CCDC169: variants seen among roughly 807,000 people sequenced by gnomAD.
CCDC169 encodes coiled-coil domain-containing protein 169.
CCDC169 carries 30 observed loss-of-function variants against 36.0 expected under a neutral mutation model. The ratio of observed to expected loss-of-function variants is 0.83; its 90% CI spans 0.62 to 1.13. CCDC169 has a LOEUF of 1.13. CCDC169 is among the 50% of genes most tolerant of loss of function. CCDC169 has a pLI of 0.00. For synonymous variants in CCDC169, 85 were observed against 81.5 expected (o/e 1.04, Z -0.23); for missense variants, 245 against 245.9 (o/e 1.00, Z 0.03).
At chr13:36,269,672 A>G (rs1211679062) in intron 4 of CCDC169, among the ~76,000 whole-genome samples, 1 of 152,208 alleles carries the variant, frequency 6.6e-6, no homozygotes, top group Admixed American at 6.5e-5. Context: ...AAAAACAAAA[A>G]CCACATGATC....
chr13:36,250,456 C>T (rs2138459737), intron 6 of CCDC169, among the ~76,000 whole-genome samples: 1 of 152,250 alleles, frequency 6.6e-6, no homozygotes, highest in South Asian at 2.1e-4. Flanking sequence ...TGATAGGCAG[C>T]AGAGAAGAAA....
chr13:36,263,440 G>A (rs1874851914), intron 4 of CCDC169, among the ~76,000 whole-genome samples: 1 of 152,052 alleles, frequency 6.6e-6, no homozygotes, highest in African/African-American at 2.4e-5. Flanking sequence ...AAGCAAAACT[G>A]CAAAATATTT....
chr13:36,227,314 C>T (rs529493448), downstream of CCDC169: 46 of 1,551,412 alleles, frequency 3.0e-5, no homozygotes, highest in East Asian at 6.6e-4. Flanking sequence ...GCCACACCTG[C>T]AGCACTGAAA....
At position 36,254,103 on chromosome 13, in the gene CCDC169, T is replaced by G. The variant is rs774723668; in HGVS notation, c.356A>C (p.Lys119Thr). The change falls in exon 5 of 8, where the codon AAG becomes ACG. Residue 119 changes from lysine to threonine, a missense_variant. Physicochemically the swap from Lys to Thr is moderately conservative, Grantham distance 78. Coordinates refer to ENST00000239859, the MANE Select transcript of CCDC169 (RefSeq NM_001144981.3). ...TTTCACTTGACTTTCAAGAGTCTTC[T>G]TTTCTTCTTCTAGCTGTTTAAGTAA... is the stretch of plus-strand genomic sequence containing the variant. Reference protein sequence around the residue: ...NTLLKQLEEEKKTLESQVKYY... With the variant: ...NTLLKQLEEETKTLESQVKYY... 3.5e-5 allele frequency: 54 copies of G among 1,545,704 alleles called. 1 individual carries two copies. In the South Asian group the frequency reaches 6.4e-4, roughly 18 times the overall value.
In CCDC169 at chr13:36,253,342, T is replaced by C. The variant is rs1349172607; in HGVS notation, c.468+461A>G. ...GGAAAACTGTTATGTCCTTTTTACTTTTTTTTTTTTTTCTGAGATGGAGTC... is the reference window on the plus strand; with the variant it reads ...GGAAAACTGTTATGTCCTTTTTACTCTTTTTTTTTTTTCTGAGATGGAGTC... On this transcript the variant is annotated intron_variant, in intron 6 of 7. Coordinates refer to ENST00000239859, the MANE Select transcript of CCDC169 (RefSeq NM_001144981.3). Among the ~76,000 whole-genome samples the C allele has an allele frequency of 2.7e-4, 7 of 25,666 alleles. No individual in the cohort carries two copies. In the South Asian group the frequency reaches 4.4e-3, roughly 16 times the overall value. The allele number at this position is 25,666 out of a possible 152,430, so 16.8% of individuals were successfully genotyped here.
intron 4 of CCDC169, among the ~76,000 whole-genome samples, chr13:36,269,358 G>A (rs962662000): frequency 7.9e-5 from 12 of 152,128 alleles, no homozygotes; most frequent in African/African-American, 2.9e-4. Context: ...CAAAGAATTG[G>A]TATCAATCCT....
At chr13:36,240,344 T>C (rs9546833) in intron 7 of CCDC169, among the ~76,000 whole-genome samples, 61,510 of 151,800 alleles carry the variant, frequency 0.41, 13,241 homozygotes, top group Non-Finnish European at 0.48. Context: ...TCCACAATTT[T>C]ACTAACCTAT....
At chr13:36,253,965 A>AAGC in intron 5 of CCDC169, 80 bp downstream of exon 5, 3 of 729,642 alleles carry the variant, frequency 4.1e-6, no homozygotes, top group Non-Finnish European at 6.1e-6. Context: ...GTTTTGTGTT[A>AAGC]ATTATAGAGT....
At position 36,230,805 on chromosome 13, in the gene CCDC169, C is replaced by T. The variant is rs563958210; in HGVS notation, c.*388G>A. 4.6e-5 allele frequency: 45 copies of T among 988,138 alleles called. No homozygotes were observed. The African/African-American group carries it at 6.1e-4, about 13-fold the overall frequency. 61.2% of individuals were successfully genotyped at this position (988,138 alleles called of 1,614,324 possible). ...TTGTTTAAACCTGCAATTTAAAAAACTGAGCAAGATCCAGCCCAAAATGGC... is the reference window on the plus strand; with the variant it reads ...TTGTTTAAACCTGCAATTTAAAAAATTGAGCAAGATCCAGCCCAAAATGGC... On this transcript the variant is annotated 3_prime_UTR_variant, in exon 8 of 8. Coordinates refer to ENST00000239859, the MANE Select transcript of CCDC169 (RefSeq NM_001144981.3).
At chr13:36,238,467 T>A (rs181218948) in intron 7 of CCDC169, among the ~76,000 whole-genome samples, 179 of 152,178 alleles carry the variant, frequency 1.2e-3, no homozygotes, top group African/African-American at 3.8e-3. Context: ...AATTAAAAAA[T>A]TTTTTTAAAT....
intron 4 of CCDC169, chr13:36,274,530 G>A (rs1234515962): frequency 6.6e-6 from 1 of 152,064 alleles, no homozygotes. Flanking sequence ...ACTGCAGCCT[G>A]GAAAGACAAA....
chr13:36,278,885 C>T (rs1213962780), intron 4 of CCDC169, among the ~76,000 whole-genome samples: 1 of 152,166 alleles, frequency 6.6e-6, no homozygotes, highest in Non-Finnish European at 1.5e-5. Flanking sequence ...GTGTAATACA[C>T]ACAAACAAAA....
At chr13:36,282,601 C>T in intron 4 of CCDC169, 7 of 921,490 alleles carry the variant, frequency 7.6e-6, no homozygotes, top group Non-Finnish European at 9.1e-6. Context: ...GGTCTGTGGT[C>T]CCACTCTTCG....
At chr13:36,232,863 C>A (rs533065802) in intron 7 of CCDC169, among the ~76,000 whole-genome samples, 3 of 152,124 alleles carry the variant, frequency 2.0e-5, no homozygotes, top group African/African-American at 7.2e-5. Flanking sequence ...GCCTAGGCAA[C>A]AGAGTGAGAC....
chr13:36,227,773 T>C (rs953403108), downstream of CCDC169, among the ~76,000 whole-genome samples: 1 of 152,114 alleles, frequency 6.6e-6, no homozygotes, highest in Non-Finnish European at 1.5e-5. Flanking sequence ...TTTTAGAACA[T>C]TTTCATCCCT....
chr13:36,288,158 A>G (rs934273870), intron 2 of CCDC169, among the ~76,000 whole-genome samples: 1 of 151,884 alleles, frequency 6.6e-6, no homozygotes, highest in Non-Finnish European at 1.5e-5. Context: ...ACAGGCGCCC[A>G]TCACCATGCC....
intron 4 of CCDC169, among the ~76,000 whole-genome samples, chr13:36,257,407 C>A (rs1165303631): frequency 6.6e-6 from 1 of 152,162 alleles, no homozygotes; most frequent in African/African-American, 2.4e-5. Context: ...GTCCTGCCTA[C>A]AAAGAGTCTG....
intron 4 of CCDC169, among the ~76,000 whole-genome samples, chr13:36,261,781 G>T (rs909860106): frequency 3.3e-5 from 5 of 152,162 alleles, no homozygotes; most frequent in African/African-American, 9.7e-5. Flanking sequence ...TTTATGATTA[G>T]ACTTGCCTCC....
intron 7 of CCDC169, among the ~76,000 whole-genome samples, chr13:36,244,098 T>C (rs982599012): frequency 3.3e-5 from 5 of 152,228 alleles, no homozygotes; most frequent in Admixed American, 3.3e-4. Flanking sequence ...AACTGCAAGA[T>C]ATTAATAAAA....
Sources: allele counts gnomAD v4.1 joint callset (sites outside exome capture counted in the v4.1 genomes callset), GRCh38; gene constraint gnomAD v4.1.1; transcripts MANE v1.5; gene names NCBI Gene and HGNC (gene_info 2026-07-23, HGNC 2026-07-21).